The following RNGTT variants were observed in gnomAD, a reference collection of about 807,000 sequenced individuals.
The protein encoded by RNGTT is mRNA-capping enzyme.
In RNGTT, 33 loss-of-function variants were observed where a neutral mutation model predicts 79.3. The ratio of observed to expected loss-of-function variants is 0.42; its 90% CI spans 0.32 to 0.56. The LOEUF (loss-of-function observed/expected upper bound fraction) is 0.56. RNGTT is among the 20% of genes least tolerant of loss of function. RNGTT has a pLI of 0.17. For missense variants in RNGTT, 497 were observed against 739.1 expected (o/e 0.67, Z 3.80); for synonymous variants, 222 against 235.9 (o/e 0.94, Z 0.54).
At chr6:88,892,005 T>C (rs1342535274) in intron 6 of RNGTT, 90 bp from the exon 7 acceptor site, 10 of 874,398 alleles carry the variant, frequency 1.1e-5, no homozygotes, top group Non-Finnish European at 1.5e-5. Flanking sequence ...AGAGATAAAT[T>C]AGTTTGTTCT....
intron 13 of RNGTT, among the ~76,000 whole-genome samples, chr6:88,722,784 C>T (rs114472975): frequency 0.021 from 3,135 of 152,218 alleles, 121 homozygotes; most frequent in African/African-American, 0.07. Flanking sequence ...CAACGATATA[C>T]GGTTATCAAA....
chr6:88,693,854 G>C (rs1206753005), intron 13 of RNGTT, among the ~76,000 whole-genome samples: 1 of 152,042 alleles, frequency 6.6e-6, no homozygotes, highest in Non-Finnish European at 1.5e-5. Context: ...CAAAACTCAA[G>C]TGATCATCTC....
intron 13 of RNGTT, among the ~76,000 whole-genome samples, chr6:88,759,062 T>A (rs1396130340): frequency 1.3e-5 from 2 of 152,334 alleles, no homozygotes; most frequent in Non-Finnish European, 1.5e-5. Context: ...ACTCAGAACA[T>A]TTACCAATCA....
chr6:88,636,098 A>T (rs1773090076), intron 14 of RNGTT, among the ~76,000 whole-genome samples: 1 of 152,066 alleles, frequency 6.6e-6, no homozygotes, highest in Non-Finnish European at 1.5e-5. Flanking sequence ...TTTATATCAG[A>T]AAGAAACCAA....
intron 12 of RNGTT, among the ~76,000 whole-genome samples, chr6:88,785,970 T>C (rs1210793906): frequency 1.3e-5 from 2 of 152,074 alleles, no homozygotes; most frequent in Non-Finnish European, 2.9e-5. Flanking sequence ...ATGAAAACAT[T>C]AAAAAACAAT....
At chr6:88,651,139 G>GA (rs1340546464) in intron 14 of RNGTT, among the ~76,000 whole-genome samples, 1 of 151,690 alleles carries the variant, frequency 6.6e-6, no homozygotes, top group African/African-American at 2.4e-5. Context: ...ACAACACAAC[G>GA]ATTCTCTATT....
At chr6:88,925,788 A>C (rs757683456) in intron 4 of RNGTT, among the ~76,000 whole-genome samples, 13 of 152,142 alleles carry the variant, frequency 8.5e-5, no homozygotes, top group Non-Finnish European at 1.5e-4. Context: ...CAGGAGGATC[A>C]ATTGAGGACA....
chr6:88,648,070 CAG>C (rs1375493178), intron 14 of RNGTT, among the ~76,000 whole-genome samples: 6 of 152,102 alleles, frequency 3.9e-5, no homozygotes, highest in Admixed American at 2.0e-4. Flanking sequence ...AAACAACAAA[CAG>C]AAACACTAAC....
intron 13 of RNGTT, among the ~76,000 whole-genome samples, chr6:88,752,611 T>C (rs1024707711): frequency 2.0e-5 from 3 of 152,180 alleles, no homozygotes; most frequent in Non-Finnish European, 4.4e-5. Context: ...TAAAGCAATG[T>C]CATGAAAAAT....
chr6:88,663,680 G>A (rs1486998568), intron 14 of RNGTT, among the ~76,000 whole-genome samples: 2 of 152,168 alleles, frequency 1.3e-5, no homozygotes, highest in Admixed American at 1.3e-4. Context: ...TCTGCAAGGT[G>A]TGCACACCCC....
intron 14 of RNGTT, among the ~76,000 whole-genome samples, chr6:88,618,351 T>C (rs1188841226): frequency 6.6e-6 from 1 of 152,186 alleles, no homozygotes; most frequent in Non-Finnish European, 1.5e-5. Context: ...ATCTCCCACA[T>C]GTATACAAAC....
intron 4 of RNGTT, among the ~76,000 whole-genome samples, chr6:88,914,100 G>A (rs1783920802): frequency 6.6e-6 from 1 of 152,016 alleles, no homozygotes. Context: ...ATCTGTACTA[G>A]GAGAACTACA....
intron 8 of RNGTT, among the ~76,000 whole-genome samples, chr6:88,854,740 G>T (rs1374111571): frequency 1.3e-5 from 2 of 151,966 alleles, no homozygotes; most frequent in African/African-American, 2.4e-5. Flanking sequence ...TCAACATATG[G>T]GGGAATTCAT....
chr6:88,946,666 C>CTCCCTA (rs1384916239), intron 1 of RNGTT, among the ~76,000 whole-genome samples: 8 of 151,790 alleles, frequency 5.3e-5, no homozygotes, highest in African/African-American at 1.9e-4. Context: ...CTCTCTCTCC[C>CTCCCTA]TCCCTCTCCC....
At chr6:88,694,151 T>C (rs972772146) in intron 13 of RNGTT, among the ~76,000 whole-genome samples, 1 of 152,034 alleles carries the variant, frequency 6.6e-6, no homozygotes, top group African/African-American at 2.4e-5. Context: ...GGAAAGGAAG[T>C]AGTGAAATTG....
chr6:88,754,752 A>G (rs909096901), intron 13 of RNGTT, among the ~76,000 whole-genome samples: 6 of 152,334 alleles, frequency 3.9e-5, no homozygotes, highest in African/African-American at 1.4e-4. Context: ...GCGTTCTTAA[A>G]CCACAAACAA....
At chr6:88,812,961 GAGA>G (rs911029109) in intron 11 of RNGTT, among the ~76,000 whole-genome samples, 1 of 152,184 alleles carries the variant, frequency 6.6e-6, no homozygotes, top group African/African-American at 2.4e-5. Context: ...AGAAGAGCAA[GAGA>G]AGGAGGTAAT....
At chr6:88,680,143 T>C (rs970154372) in intron 13 of RNGTT, among the ~76,000 whole-genome samples, 2 of 152,174 alleles carry the variant, frequency 1.3e-5, no homozygotes, top group African/African-American at 4.8e-5. Flanking sequence ...GATATAATCA[T>C]AGAAAATTAG....
intron 13 of RNGTT, among the ~76,000 whole-genome samples, chr6:88,728,041 C>T (rs1776979230): frequency 6.6e-6 from 1 of 152,176 alleles, no homozygotes; most frequent in Non-Finnish European, 1.5e-5. Context: ...AGGGGATGGA[C>T]TCATCACACC....
Sources: gnomAD v4.1 joint callset for allele counts (sites outside exome capture counted in the v4.1 genomes callset) on GRCh38, gnomAD v4.1.1 for gene constraint, MANE v1.5 for transcripts, NCBI Gene and HGNC (gene_info 2026-07-23, HGNC 2026-07-21) for gene names.